BRF1: variants seen among roughly 807,000 people sequenced by gnomAD.
The protein encoded by BRF1 is transcription factor IIIB 90 kDa subunit.
A neutral mutation model predicts 81.7 loss-of-function variants in BRF1; 59 were observed. That is an observed-to-expected ratio of 0.72 (90% CI 0.59 to 0.90). The LOEUF is 0.90. Among genes scored for constraint, BRF1 ranks in the 40% least tolerant of loss-of-function variants. The pLI, the probability that BRF1 is intolerant of heterozygous loss-of-function variation, is 0.00. For missense variants in BRF1, 1,050 were observed against 936.3 expected (o/e 1.12, Z -1.58); for synonymous variants, 491 against 395.6 (o/e 1.24, Z -2.86).
intron 1 of BRF1, among the ~76,000 whole-genome samples, chr14:105,298,280 T>G (rs2057821097): frequency 6.6e-6 from 1 of 152,134 alleles, no homozygotes; most frequent in African/African-American, 2.4e-5. Flanking sequence ...ACAACAACTT[T>G]GAAAAGGAAG....
In BRF1 at chr14:105,243,320, G is replaced by T. The variant is rs587632835; in HGVS notation, c.545-1906C>A. ...AAAAAATTAGCCGGGTGTGGTGGCG[G>T]GCACCTATAGTCCCAGATACTTGAA... On this transcript the variant is annotated intron_variant, in intron 5 of 17. Coordinates refer to ENST00000547530, the MANE Select transcript of BRF1 (RefSeq NM_001519.4). 1.6e-3 allele frequency among the ~76,000 whole-genome samples: 249 copies of T among 151,392 alleles called. 1 individual carries two copies. Among genetic ancestry groups the T allele is most frequent in the African/African-American group, 5.7e-3 (237 of 41,248 alleles).
At position 105,241,309 on chromosome 14, in the gene BRF1, T is replaced by C. The variant is rs2054615757; in HGVS notation, c.650A>G (p.Asp217Gly). 2 of 1,612,530 alleles carry C rather than the reference T, an allele frequency of 1.2e-6. No homozygotes were observed. Among genetic ancestry groups the C allele is most frequent in the African/African-American group, 1.3e-5 (1 of 74,920 alleles). ...ALRLLQRMKR[D>G]WMHTGRRPSG... ...GGGGCGCCGGCCTGTGTGCATCCAG[T>C]CCCGCTTCATCCTCTGTAGGAGCCT... is the stretch of plus-strand genomic sequence containing the variant. Residue 217 changes from aspartate (D) to glycine (G), a missense_variant, in exon 6 of 18, where the codon GAC becomes GGC. By Grantham distance (94) the Asp-to-Gly change is moderately conservative. Transcript: ENST00000547530.
intron 15 of BRF1, among the ~76,000 whole-genome samples, chr14:105,215,331 T>C (rs1174019444): frequency 2.0e-5 from 3 of 152,116 alleles, no homozygotes; most frequent in Non-Finnish European, 4.4e-5. Context: ...CAGGTACACA[T>C]GTTGCATGCA....
At chr14:105,229,015 G>T in intron 6 of BRF1, 102 bp from the exon 7 acceptor site, 1 of 1,057,638 alleles carries the variant, frequency 9.5e-7, no homozygotes, top group Non-Finnish European at 1.5e-6. Flanking sequence ...CGGAGATGAT[G>T]GCCTGAGAAG....
Position 105,300,514 on chromosome 14 carries a change from G to A in BRF1, c.116C>T (p.Ser39Phe). Residue 39 changes from serine to phenylalanine, a missense_variant, in exon 1 of 18, where the codon TCC becomes TTC. Ser to Phe is a radical substitution (Grantham distance 155). Around this residue, in one of 2 missense-constraint regions of BRF1, gnomAD observed 1,043 missense variants for 915.4 expected, o/e 1.14. Transcript: ENST00000547530. ...GCTGCTCTCCACGAACTGCACCTCG[G>A]ACACGATGATGTTGTCCTCCAGCAC... The part of the protein sequence containing the change: ...GSVLEDNIIV[S>F]EVQFVESSGG... 1 of 1,537,950 alleles carries A rather than the reference G, an allele frequency of 6.5e-7. No individual in the cohort carries two copies. The highest frequency in any genetic ancestry group is 2.0e-5 in the Admixed American group (1 of 50,724).
chr14:105,286,301 T>C lies in BRF1; in HGVS notation c.260A>G (p.Gln87Arg). The C allele has an allele frequency of 6.2e-7, 1 of 1,613,100 alleles. No homozygotes were observed. Among genetic ancestry groups the C allele is most frequent in the Non-Finnish European group, 8.5e-7 (1 of 1,179,706 alleles). Reference sequence around the variant, plus strand: ...GCATCCGCGGTGGGAAATACCATTCTGCAGGGTCTGCGCTCTCGACTCCTT... The same window carrying C: ...GCATCCGCGGTGGGAAATACCATTCCGCAGGGTCTGCGCTCTCGACTCCTT... ...LGKESRAQTL[Q>R]NGRRHIHHLG... The change falls in exon 2 of 18, where the codon CAG (glutamine) becomes CGG (arginine). Residue 87 changes from glutamine (Q) to arginine (R), a missense_variant. Physicochemically the swap from Gln to Arg is conservative, Grantham distance 43. Around this residue, in one of 2 missense-constraint regions of BRF1, gnomAD observed 1,043 missense variants for 915.4 expected, o/e 1.14. Coordinates refer to ENST00000547530, the MANE Select transcript of BRF1 (RefSeq NM_001519.4).
At chr14:105,221,371 AT>A (rs1205642934) in intron 11 of BRF1, among the ~76,000 whole-genome samples, 3 of 152,190 alleles carry the variant, frequency 2.0e-5, no homozygotes, top group African/African-American at 4.8e-5. Flanking sequence ...TGTGGGCTCC[AT>A]TCTCCGTGGC....
chr14:105,281,589 C>G (rs142808040), intron 2 of BRF1, among the ~76,000 whole-genome samples: 1 of 152,018 alleles, frequency 6.6e-6, no homozygotes, highest in Non-Finnish European at 1.5e-5. Context: ...CCTGATGAGT[C>G]GATGTGGGGC....
At chr14:105,303,498 C>T (rs2058094869), upstream of BRF1, among the ~76,000 whole-genome samples, 1 of 152,216 alleles carries the variant, frequency 6.6e-6, no homozygotes, top group African/African-American at 2.4e-5. Context: ...CTGTCTCGCC[C>T]TCCCAAAGTG....
At chr14:105,310,669 C>T (rs1269184229) in intron 1 of BRF1, among the ~76,000 whole-genome samples, 1 of 152,158 alleles carries the variant, frequency 6.6e-6, no homozygotes, top group Non-Finnish European at 1.5e-5. Flanking sequence ...GGGGCGCAGC[C>T]CCAGCCAGAT....
At chr14:105,223,949 C>G (rs11622757) in intron 10 of BRF1, among the ~76,000 whole-genome samples, 7,664 of 152,292 alleles carry the variant, frequency 0.05, 267 homozygotes, top group East Asian at 0.15. Context: ...CTAAACTAAC[C>G]CAATAATGCC....
intron 4 of BRF1, among the ~76,000 whole-genome samples, chr14:105,254,536 A>G (rs587595930): frequency 2.3e-4 from 33 of 145,400 alleles, no homozygotes; most frequent in African/African-American, 8.2e-4. Flanking sequence ...GGATTACAGG[A>G]GTGAGCCACC....
intron 5 of BRF1, chr14:105,249,076 T>G: frequency 7.2e-7 from 1 of 1,387,128 alleles, no homozygotes; most frequent in Non-Finnish European, 9.3e-7. Flanking sequence ...CGCCCCACGC[T>G]GCGCGAGAGG....
chr14:105,274,770 A>C (rs1421449190), intron 2 of BRF1, among the ~76,000 whole-genome samples: 2 of 151,774 alleles, frequency 1.3e-5, no homozygotes, highest in Non-Finnish European at 2.9e-5. Context: ...CACTGCCCCC[A>C]CTTCTGTCTG....
upstream of BRF1, among the ~76,000 whole-genome samples, chr14:105,303,814 T>C (rs1309545551): frequency 6.6e-6 from 1 of 152,240 alleles, no homozygotes; most frequent in Non-Finnish European, 1.5e-5. Context: ...CTATGCAAAA[T>C]GCTCTCTGTC....
intron 5 of BRF1, chr14:105,248,798 C>A (rs1205519842): frequency 2.0e-6 from 2 of 983,024 alleles, no homozygotes; most frequent in Non-Finnish European, 2.4e-6. Context: ...TCCCGAGGCC[C>A]CGGCGCGGCG....
chr14:105,260,288 T>C (rs1289737917), intron 3 of BRF1, among the ~76,000 whole-genome samples: 2 of 152,008 alleles, frequency 1.3e-5, no homozygotes, highest in Non-Finnish European at 1.5e-5. Context: ...AAAAATAAGA[T>C]GGTGAGGGCA....
intron 12 of BRF1, 96 bp downstream of exon 12, chr14:105,219,972 AG>A: frequency 7.3e-7 from 1 of 1,377,882 alleles, no homozygotes; most frequent in Non-Finnish European, 1.0e-6. Context: ...GGCTCTGGGC[AG>A]GGGAGGTGGC....
chr14:105,226,383 C>T, intron 8 of BRF1, 93 bp from the exon 9 acceptor site: 1 of 1,553,508 alleles, frequency 6.4e-7, no homozygotes, highest in Non-Finnish European at 8.9e-7. Flanking sequence ...GGACCACAGG[C>T]TGCTAGAACT....
Sources: gnomAD v4.1 joint callset for allele counts (sites outside exome capture counted in the v4.1 genomes callset) on GRCh38, gnomAD v4.1.1 for gene constraint, gnomAD v4.1.1 regional missense constraint, MANE v1.5 for transcripts, NCBI Gene and HGNC (gene_info 2026-07-23, HGNC 2026-07-21) for gene names.